TMEM135: variants seen among roughly 807,000 people sequenced by gnomAD.
TMEM135 encodes peroxisomal membrane protein 52.
Under a neutral mutation model 60.3 loss-of-function variants are expected in TMEM135, and 30 were observed. The ratio of observed to expected loss-of-function variants is 0.50; its 90% CI spans 0.37 to 0.68. The LOEUF (loss-of-function observed/expected upper bound fraction) is 0.68. Ranked by LOEUF, TMEM135 falls within the 30% of genes least tolerant of loss-of-function variation. The pLI, the probability that TMEM135 is intolerant of heterozygous loss-of-function variation, is 0.00. For missense variants in TMEM135, 468 were observed against 548.8 expected (o/e 0.85, Z 1.47); for synonymous variants, 190 against 186.7 (o/e 1.02, Z -0.14).
chr11:87,270,477 A>G (rs1486082912), intron 6 of TMEM135, among the ~76,000 whole-genome samples: 1 of 152,218 alleles, frequency 6.6e-6, no homozygotes, highest in Non-Finnish European at 1.5e-5. Context: ...TTCTACTTTA[A>G]GAATTTTAAT....
intron 6 of TMEM135, among the ~76,000 whole-genome samples, chr11:87,291,635 C>T (rs1942266006): frequency 6.9e-6 from 1 of 145,902 alleles, no homozygotes; most frequent in Admixed American, 7.2e-5. Flanking sequence ...GCCACCTCCC[C>T]AGTTCCAGCG....
At chr11:87,212,499 C>T (rs991952935) in intron 5 of TMEM135, among the ~76,000 whole-genome samples, 2 of 151,994 alleles carry the variant, frequency 1.3e-5, no homozygotes, top group Non-Finnish European at 2.9e-5. Context: ...TTAGCAGTGC[C>T]TGAGAAGAGA....
chr11:87,267,338 A>C (rs1414464610), intron 6 of TMEM135, among the ~76,000 whole-genome samples: 1 of 152,096 alleles, frequency 6.6e-6, no homozygotes, highest in African/African-American at 2.4e-5. Context: ...AAAGTCCTAA[A>C]TGATAAGTAG....
chr11:87,038,157 TC>T lies in TMEM135; in HGVS notation c.115del (p.Leu39Ter). ...GATCACCGGGGGCGCCCTGGAGGAG[TC>T]CCTGAAGATCTATGCTCCTCTGTAC... ...LQITGGALEE[S>X]LKIYAPLYLI... is the part of the protein sequence containing the mutation. On this transcript the variant is annotated frameshift_variant, in exon 1 of 15. Coordinates refer to ENST00000305494, the MANE Select transcript of TMEM135 (RefSeq NM_022918.4). LOFTEE classifies it high-confidence loss of function. 1 of 1,613,508 alleles carries T rather than the reference TC, an allele frequency of 6.2e-7. No homozygotes were observed. Among genetic ancestry groups the T allele is most frequent in the Non-Finnish European group, 8.5e-7 (1 of 1,179,886 alleles).
intron 6 of TMEM135, among the ~76,000 whole-genome samples, chr11:87,262,926 G>T (rs1941678953): frequency 6.6e-6 from 1 of 152,056 alleles, no homozygotes; most frequent in African/African-American, 2.4e-5. Context: ...TTGTGAGTAT[G>T]AGTTGCCTAG....
At chr11:87,202,086 C>T (rs941623480) in intron 5 of TMEM135, among the ~76,000 whole-genome samples, 3 of 151,912 alleles carry the variant, frequency 2.0e-5, no homozygotes, top group African/African-American at 7.3e-5. Context: ...AGTGCAATGG[C>T]GTGGTCTCAG....
intron 6 of TMEM135, among the ~76,000 whole-genome samples, chr11:87,252,901 C>G (rs1941449128): frequency 6.6e-6 from 1 of 151,232 alleles, no homozygotes; most frequent in African/African-American, 2.4e-5. Flanking sequence ...AAATGAGGCA[C>G]TTCTATTATT....
intron 1 of TMEM135, among the ~76,000 whole-genome samples, chr11:87,039,747 G>C (rs1949735009): frequency 6.6e-6 from 1 of 152,200 alleles, no homozygotes; most frequent in Admixed American, 6.5e-5. Context: ...AGAGGATTAT[G>C]ATATAGGTGG....
intron 1 of TMEM135, among the ~76,000 whole-genome samples, chr11:87,054,402 C>G (rs1949872180): frequency 6.6e-6 from 1 of 151,804 alleles, no homozygotes; most frequent in Non-Finnish European, 1.5e-5. Context: ...CCACTGGACT[C>G]CAGCCTGGCA....
chr11:87,047,218 A>T (rs781346819), intron 1 of TMEM135, among the ~76,000 whole-genome samples: 6 of 152,138 alleles, frequency 3.9e-5, no homozygotes, highest in Non-Finnish European at 7.4e-5. Context: ...TCTATGTTTT[A>T]TGTAATTTAC....
At chr11:87,307,847 T>A (rs565753785) in intron 9 of TMEM135, among the ~76,000 whole-genome samples, 1 of 152,308 alleles carries the variant, frequency 6.6e-6, no homozygotes, top group African/African-American at 2.4e-5. Flanking sequence ...TCCTCAACAT[T>A]CTGTACTCCA....
intron 7 of TMEM135, among the ~76,000 whole-genome samples, chr11:87,298,870 G>A (rs1218327751): frequency 4.0e-5 from 6 of 150,892 alleles, no homozygotes; most frequent in African/African-American, 1.5e-4. Context: ...GGTAGATCAC[G>A]AGGTCAGCAG....
intron 6 of TMEM135, among the ~76,000 whole-genome samples, chr11:87,268,255 A>ATATT (rs56802824): frequency 0.056 from 7,704 of 136,824 alleles, 333 homozygotes; most frequent in East Asian, 0.16. Flanking sequence ...CCACACCTAG[A>ATATT]TATTTATTTA....
chr11:87,142,083 T>G (rs593243), intron 4 of TMEM135, among the ~76,000 whole-genome samples: 72,318 of 152,006 alleles, frequency 0.48, 17,500 homozygotes, highest in East Asian at 0.67. Context: ...TTAGATCTCT[T>G]TAAAGAGAGT....
At chr11:87,214,344 A>G (rs959073676) in intron 5 of TMEM135, among the ~76,000 whole-genome samples, 30 of 152,276 alleles carry the variant, frequency 2.0e-4, no homozygotes, top group Admixed American at 2.0e-3. Context: ...TCAAACTTCC[A>G]TGTACTCAAT....
chr11:87,265,585 G>T (rs201269110), intron 6 of TMEM135, among the ~76,000 whole-genome samples: 1 of 151,912 alleles, frequency 6.6e-6, no homozygotes, highest in East Asian at 1.9e-4. Flanking sequence ...TAATTGGTAT[G>T]CACCTTTTAT....
intron 1 of TMEM135, among the ~76,000 whole-genome samples, chr11:87,061,753 C>T (rs1949948897): frequency 1.3e-5 from 2 of 152,116 alleles, no homozygotes; most frequent in African/African-American, 4.8e-5. Context: ...CAGCACTAAT[C>T]ACATGGGGAA....
At chr11:87,158,896 A>G (rs1938783837) in intron 5 of TMEM135, among the ~76,000 whole-genome samples, 1 of 152,236 alleles carries the variant, frequency 6.6e-6, no homozygotes, top group South Asian at 2.1e-4. Flanking sequence ...GGTCAGATGT[A>G]GTAATCTGCC....
intron 4 of TMEM135, among the ~76,000 whole-genome samples, chr11:87,132,527 T>G (rs552265320): frequency 7.2e-5 from 11 of 152,172 alleles, no homozygotes; most frequent in Non-Finnish European, 1.3e-4. Context: ...CATTGTAGTA[T>G]AACACTAACA....
Sources: gnomAD v4.1 joint callset for allele counts (sites outside exome capture counted in the v4.1 genomes callset) on GRCh38, gnomAD v4.1.1 for gene constraint, MANE v1.5 for transcripts, NCBI Gene and HGNC (gene_info 2026-07-23, HGNC 2026-07-21) for gene names.